SPTLC3: variants seen among roughly 807,000 people sequenced by gnomAD.
SPTLC3 encodes the protein serine palmitoyltransferase long chain base subunit 3.
Under a neutral mutation model 59.3 loss-of-function variants are expected in SPTLC3, and 36 were observed. That is an observed-to-expected ratio of 0.61 (90% CI 0.47 to 0.80). The LOEUF is 0.80. Ranked by LOEUF, SPTLC3 falls within the 30% of genes least tolerant of loss-of-function variation. The pLI, the probability that SPTLC3 is intolerant of heterozygous loss-of-function variation, is 0.00. For synonymous variants in SPTLC3, 257 were observed against 240.8 expected (o/e 1.07, Z -0.62); for missense variants, 625 against 685.1 (o/e 0.91, Z 0.98).
intron 2 of SPTLC3, among the ~76,000 whole-genome samples, chr20:13,064,918 A>C (rs188667663): frequency 2.6e-5 from 4 of 152,274 alleles, no homozygotes; most frequent in Non-Finnish European, 5.9e-5. Context: ...TATGGGACAC[A>C]ATTTTTAATC....
At chr20:13,095,806 A>G (rs1030358004) in intron 6 of SPTLC3, among the ~76,000 whole-genome samples, 1 of 151,572 alleles carries the variant, frequency 6.6e-6, no homozygotes, top group African/African-American at 2.4e-5. Context: ...AATTATCCTC[A>G]CTCTTCCTCT....
chr20:13,053,956 A>C (rs1479987544), intron 2 of SPTLC3, among the ~76,000 whole-genome samples: 2 of 152,232 alleles, frequency 1.3e-5, no homozygotes, highest in Non-Finnish European at 2.9e-5. Flanking sequence ...ACCAAGTTGG[A>C]AAACACTCTT....
chr20:13,161,365 T>A (rs1448138488), intron 11 of SPTLC3, among the ~76,000 whole-genome samples: 1 of 152,052 alleles, frequency 6.6e-6, no homozygotes, highest in African/African-American at 2.4e-5. Flanking sequence ...AAAAATAAGG[T>A]TCTAGAGCTT....
chr20:13,134,352 T>C (rs1357711970), intron 9 of SPTLC3, among the ~76,000 whole-genome samples: 1 of 152,236 alleles, frequency 6.6e-6, no homozygotes, highest in Non-Finnish European at 1.5e-5. Context: ...TTTCTTATAA[T>C]TCTTGTCTGC....
intron 4 of SPTLC3, among the ~76,000 whole-genome samples, chr20:13,079,388 G>A (rs1261456709): frequency 2.6e-5 from 4 of 152,072 alleles, no homozygotes; most frequent in African/African-American, 9.7e-5. Context: ...TCATATAAGA[G>A]AAGAAGTTAT....
At chr20:13,127,803 C>T (rs113466933) in intron 9 of SPTLC3, among the ~76,000 whole-genome samples, 3 of 152,136 alleles carry the variant, frequency 2.0e-5, no homozygotes, top group African/African-American at 4.8e-5. Context: ...ATATGAAATG[C>T]GGTGATTGGC....
chr20:13,014,975 G>C (rs1985452694), intron 1 of SPTLC3, among the ~76,000 whole-genome samples: 1 of 152,118 alleles, frequency 6.6e-6, no homozygotes, highest in Non-Finnish European at 1.5e-5. Flanking sequence ...GATGCGCCAA[G>C]AGTGTCTTTT....
At chr20:13,043,861 A>C (rs1987103162) in intron 1 of SPTLC3, among the ~76,000 whole-genome samples, 1 of 152,168 alleles carries the variant, frequency 6.6e-6, no homozygotes, top group African/African-American at 2.4e-5. Context: ...TCTCTCCTTA[A>C]GTCCCTGCAG....
chr20:13,025,218 A>G (rs1218643345), intron 1 of SPTLC3, among the ~76,000 whole-genome samples: 2 of 152,194 alleles, frequency 1.3e-5, no homozygotes, highest in Non-Finnish European at 2.9e-5. Flanking sequence ...GTCAATCCTT[A>G]CAATAGACTT....
chr20:13,117,670 T>G lies in SPTLC3; in HGVS notation c.1097T>G (p.Met366Arg). The G allele has an allele frequency of 6.2e-7, 1 of 1,613,912 alleles. No individual in the cohort carries two copies. ...GLDPHEVDVL[M>R]GTFTKSFGAS... ...GACCCTCATGAAGTTGATGTGCTCA[T>G]GGGCACATTCACCAAAAGTTTTGGA... Residue 366 changes from methionine (M) to arginine (R), a missense_variant, in exon 8 of 12, where the codon ATG becomes AGG. Transcript: ENST00000399002.
At position 13,057,425 on chromosome 20, in the gene SPTLC3, T is replaced by C. The variant is rs146444012; in HGVS notation, c.303+8295T>C. 1.5e-3 allele frequency among the ~76,000 whole-genome samples: 223 copies of C among 152,362 alleles called. 5 individuals are homozygous for C. In the East Asian group the frequency reaches 0.04, roughly 28 times the overall value. ...CAAATATAAGAATTTATTAATCCAA[T>C]TTCACTATTTTCTCTTTCTCTGTGA... On this transcript the variant is annotated intron_variant, in intron 2 of 11. Coordinates refer to ENST00000399002, the MANE Select transcript of SPTLC3 (RefSeq NM_018327.4).
intron 4 of SPTLC3, among the ~76,000 whole-genome samples, chr20:13,083,637 G>A (rs1988914377): frequency 6.6e-6 from 1 of 152,162 alleles, no homozygotes; most frequent in African/African-American, 2.4e-5. Flanking sequence ...TGAATGGAAA[G>A]GCCATGTGTA....
intron 11 of SPTLC3, among the ~76,000 whole-genome samples, chr20:13,160,711 T>C (rs1338710647): frequency 6.6e-6 from 1 of 152,208 alleles, no homozygotes; most frequent in African/African-American, 2.4e-5. Flanking sequence ...AAATGCAGTT[T>C]TGCAAACACT....
intron 9 of SPTLC3, among the ~76,000 whole-genome samples, chr20:13,136,520 A>G (rs1260599422): frequency 6.6e-6 from 1 of 151,542 alleles, no homozygotes; most frequent in Non-Finnish European, 1.5e-5. Flanking sequence ...GGATCACTTG[A>G]CCCTAGGAGG....
intron 5 of SPTLC3, among the ~76,000 whole-genome samples, chr20:13,092,381 A>G (rs1368341159): frequency 6.6e-6 from 1 of 152,256 alleles, no homozygotes; most frequent in East Asian, 1.9e-4. Context: ...TATGCCTTTG[A>G]AAATGTGTCT....
intron 1 of SPTLC3, among the ~76,000 whole-genome samples, chr20:13,034,399 A>G (rs6041779): frequency 0.031 from 4,681 of 152,254 alleles, 245 homozygotes; most frequent in African/African-American, 0.11. Flanking sequence ...AGCTTTTGAC[A>G]TGAAAATCCC....
chr20:13,034,865 G>A (rs1013782058), intron 1 of SPTLC3, among the ~76,000 whole-genome samples: 10 of 152,148 alleles, frequency 6.6e-5, no homozygotes, highest in African/African-American at 2.4e-4. Context: ...CTGCAGAGTT[G>A]AGGAGTCAAA....
At chr20:13,086,581 T>A (rs1295518517) in intron 4 of SPTLC3, among the ~76,000 whole-genome samples, 4 of 152,166 alleles carry the variant, frequency 2.6e-5, no homozygotes, top group Admixed American at 1.3e-4. Context: ...AGCCCCTGGA[T>A]GCAAAACCAC....
In SPTLC3 at chr20:13,098,114, A is replaced by G. The variant is rs73898433; in HGVS notation, c.826+4537A>G. On this transcript the variant is annotated intron_variant, in intron 6 of 11. Coordinates refer to ENST00000399002, the MANE Select transcript of SPTLC3 (RefSeq NM_018327.4). ...AAGAAGACTACGCAACAGAGACTGT[A>G]TGTGGTCCACAAAGCCTAAAGTAAA... Among the ~76,000 whole-genome samples the G allele has an allele frequency of 5.8e-3, 886 of 152,326 alleles. 6 individuals carry two copies. The highest frequency in any genetic ancestry group is 0.02 in the African/African-American group (848 of 41,584).
Sources: gnomAD v4.1 joint callset for allele counts (sites outside exome capture counted in the v4.1 genomes callset) on GRCh38, gnomAD v4.1.1 for gene constraint, MANE v1.5 for transcripts, NCBI Gene and HGNC (gene_info 2026-07-23, HGNC 2026-07-21) for gene names.